Variants in MTSS1 observed in about 807,000 individuals in gnomAD.
MTSS1 encodes protein MTSS 1.
Under a neutral mutation model 79.0 loss-of-function variants are expected in MTSS1, and 18 were observed. That is an observed-to-expected ratio of 0.23 (90% CI 0.16 to 0.34). MTSS1 has a LOEUF of 0.34. MTSS1 is among the 10% of genes least tolerant of loss of function. MTSS1 has a pLI of 1.00. For synonymous variants in MTSS1, 341 were observed against 368.6 expected, an observed-to-expected ratio of 0.93 and a Z score of 0.86; for missense variants, 815 against 986.2, an observed-to-expected ratio of 0.83 and a Z score of 2.33.
chr8:124,627,316 C>T (rs372261184), intron 3 of MTSS1, among the ~76,000 whole-genome samples: 2 of 152,188 alleles, frequency 1.3e-5, no homozygotes, highest in Non-Finnish European at 2.9e-5. Flanking sequence ...GGGGCATAAT[C>T]GTTACATTCG....
chr8:124,610,523 T>C (rs1835616074), intron 3 of MTSS1, among the ~76,000 whole-genome samples: 1 of 152,222 alleles, frequency 6.6e-6, no homozygotes, highest in Admixed American at 6.5e-5. Flanking sequence ...AAAGCCACTT[T>C]CTAAAGAACC....
intron 3 of MTSS1, among the ~76,000 whole-genome samples, chr8:124,620,853 C>T (rs1813362505): frequency 6.6e-6 from 1 of 152,182 alleles, no homozygotes; most frequent in Non-Finnish European, 1.5e-5. Flanking sequence ...ATTTCAACGC[C>T]TCACTGAGCT....
intron 3 of MTSS1, among the ~76,000 whole-genome samples, chr8:124,604,213 A>C (rs1834410813): frequency 6.6e-6 from 1 of 152,086 alleles, no homozygotes; most frequent in Non-Finnish European, 1.5e-5. Flanking sequence ...ACTCCATCTT[A>C]AAAATAAATA....
chr8:124,571,687 C>T (rs750598452), intron 6 of MTSS1, among the ~76,000 whole-genome samples: 6 of 152,200 alleles, frequency 3.9e-5, no homozygotes, highest in Admixed American at 6.5e-5. Context: ...CCTATGAGGC[C>T]GGGAACGGTG....
At chr8:124,603,834 AC>A (rs1834337931) in intron 3 of MTSS1, among the ~76,000 whole-genome samples, 1 of 152,088 alleles carries the variant, frequency 6.6e-6, no homozygotes, top group African/African-American at 2.4e-5. Flanking sequence ...CAAAACACAA[AC>A]TTTTTTGCCT....
Position 124,589,722 on chromosome 8 carries a change from G to C in MTSS1, c.294-11C>G, listed in dbSNP as rs1304517540. ...CAATCAATTAAAGCGCTTTTACCAAGCGGGGGGGAAAAAGGGAGAAATTAA... is the reference window on the plus strand; with the variant it reads ...CAATCAATTAAAGCGCTTTTACCAACCGGGGGGGAAAAAGGGAGAAATTAA... On this transcript the variant is annotated splice_polypyrimidine_tract_variant and intron_variant, in intron 4 of 13. Transcript: ENST00000518547. 6.3e-7 allele frequency: 1 copy of C among 1,578,580 alleles called. No individual in the cohort carries two copies.
At chr8:124,721,862 A>C (rs1832991853) in intron 1 of MTSS1, among the ~76,000 whole-genome samples, 1 of 152,162 alleles carries the variant, frequency 6.6e-6, no homozygotes, top group Non-Finnish European at 1.5e-5. Context: ...CAGGGAACCC[A>C]ATGGACCCTG....
intron 3 of MTSS1, among the ~76,000 whole-genome samples, chr8:124,594,185 T>G (rs992634651): frequency 2.6e-5 from 4 of 152,206 alleles, no homozygotes; most frequent in African/African-American, 7.2e-5. Context: ...GTATTTCCCA[T>G]AGATTGCCAC....
intron 3 of MTSS1, among the ~76,000 whole-genome samples, chr8:124,602,275 C>A (rs1834073744): frequency 6.7e-6 from 1 of 148,512 alleles, no homozygotes; most frequent in Non-Finnish European, 1.5e-5. Context: ...TCACGGCTCA[C>A]TGCAACCTCC....
chr8:124,621,348 T>G (rs530840478), intron 3 of MTSS1, among the ~76,000 whole-genome samples: 1 of 152,156 alleles, frequency 6.6e-6, no homozygotes, highest in Non-Finnish European at 1.5e-5. Context: ...GCCCCAGCCA[T>G]GGTCTCAGAA....
chr8:124,593,536 C>T (rs1182377453), intron 3 of MTSS1, among the ~76,000 whole-genome samples: 1 of 152,178 alleles, frequency 6.6e-6, no homozygotes, highest in Non-Finnish European at 1.5e-5. Context: ...GTTAAATCAA[C>T]CATAGAGCAC....
chr8:124,554,852 C>T (rs1292265055), intron 13 of MTSS1, among the ~76,000 whole-genome samples: 1 of 152,110 alleles, frequency 6.6e-6, no homozygotes, highest in East Asian at 1.9e-4. Flanking sequence ...AAAAATGAAG[C>T]TATTCCTTTG....
intron 3 of MTSS1, among the ~76,000 whole-genome samples, chr8:124,660,158 T>G (rs1161990409): frequency 6.6e-6 from 1 of 152,072 alleles, no homozygotes; most frequent in African/African-American, 2.4e-5. Flanking sequence ...ATGTGTACAT[T>G]TCAGAAATGA....
intron 3 of MTSS1, among the ~76,000 whole-genome samples, chr8:124,643,100 G>C (rs1433195215): frequency 6.6e-6 from 1 of 152,046 alleles, no homozygotes; most frequent in Admixed American, 6.6e-5. Context: ...ATAAAATTTG[G>C]CAGAGAGAAA....
chr8:124,556,154 C>T (rs1397890187), intron 12 of MTSS1, 78 bp downstream of exon 12: 2 of 1,601,540 alleles, frequency 1.2e-6, no homozygotes, highest in South Asian at 1.1e-5. Context: ...CTGCCTTGGC[C>T]CCCCAGTTGC....
chr8:124,600,882 T>A (rs920608605), intron 3 of MTSS1, among the ~76,000 whole-genome samples: 2 of 152,136 alleles, frequency 1.3e-5, no homozygotes, highest in East Asian at 3.9e-4. Flanking sequence ...TTATTAATTG[T>A]TACGCATCCA....
At chr8:124,643,856 A>C (rs1013587682) in intron 3 of MTSS1, among the ~76,000 whole-genome samples, 25 of 152,152 alleles carry the variant, frequency 1.6e-4, no homozygotes, top group Admixed American at 7.9e-4. Flanking sequence ...CAAATGGCAA[A>C]ATTACAGGTA....
chr8:124,557,605 G>A (rs994046137), intron 11 of MTSS1, 76 bp downstream of exon 11: 4 of 1,361,472 alleles, frequency 2.9e-6, no homozygotes, highest in Middle Eastern at 4.9e-4. Context: ...GGATAGTCGG[G>A]GTGAGGGGGT....
chr8:124,583,731 C>CA (rs1830422193), intron 6 of MTSS1, among the ~76,000 whole-genome samples: 1 of 152,206 alleles, frequency 6.6e-6, no homozygotes, highest in South Asian at 2.1e-4. Flanking sequence ...CTTCCTCTCT[C>CA]AAAGCTGCCA....
Sources: allele counts gnomAD v4.1 joint callset (sites outside exome capture counted in the v4.1 genomes callset), GRCh38; gene constraint gnomAD v4.1.1; transcripts MANE v1.5; gene names NCBI Gene and HGNC (gene_info 2026-07-23, HGNC 2026-07-21).